LARP4B: variants seen among roughly 807,000 people sequenced by gnomAD.
LARP4B encodes La ribonucleoprotein 4B.
LARP4B carries 12 observed loss-of-function variants against 89.8 expected under a neutral mutation model. The observed-to-expected ratio is 0.13, with a 90% CI of 0.09 to 0.22. The LOEUF (loss-of-function observed/expected upper bound fraction) is 0.22. Ranked by LOEUF, LARP4B falls within the 10% of genes least tolerant of loss-of-function variation. The pLI, the probability that LARP4B is intolerant of heterozygous loss-of-function variation, is 1.00. For missense variants in LARP4B, 757 were observed against 947.7 expected (o/e 0.80, Z 2.64); for synonymous variants, 367 against 363.3 (o/e 1.01, Z -0.12).
intron 1 of LARP4B, among the ~76,000 whole-genome samples, chr10:895,055 G>T (rs529607071): frequency 6.6e-6 from 1 of 152,122 alleles, no homozygotes; most frequent in Non-Finnish European, 1.5e-5. Context: ...GCATGGCGGC[G>T]TGTGCCTGTA....
the LARP4B span, among the ~76,000 whole-genome samples, chr10:937,882 T>TTTTA: frequency 2.2e-3 from 329 of 152,118 alleles, no homozygotes; most frequent in African/African-American, 7.1e-3. Context: ...TTTTATTTAT[T>TTTTA]TTTATTTATT....
chr10:936,438 G>C (rs1273943295), upstream of LARP4B, among the ~76,000 whole-genome samples: 1 of 152,148 alleles, frequency 6.6e-6, no homozygotes, highest in Admixed American at 6.6e-5. Context: ...CTACGAGGCA[G>C]GCCAGACACA....
Position 836,420 on chromosome 10 carries a change from C to G in LARP4B, c.733G>C (p.Glu245Gln), listed in dbSNP as rs1214913721. The G allele has an allele frequency of 6.2e-7, 1 of 1,608,644 alleles. No individual in the cohort carries two copies. The highest frequency in any genetic ancestry group is 1.3e-5 in the African/African-American group (1 of 74,956). ...RCIVILREISESTPVEEVEAL... is the reference protein window; with the variant it reads ...RCIVILREISQSTPVEEVEAL... ...TTACTTACTTCCACGGGGGTAGATT[C>G]AGATATTTCACGCAATATTACTATG... Residue 245 changes from glutamate (E) to glutamine (Q), a missense_variant, in exon 8 of 18, where the codon GAA becomes CAA. By Grantham distance (29) the Glu-to-Gln change is conservative. This residue lies in a region of LARP4B where 137 missense variants were observed against 213.9 expected (regional missense o/e 0.64). Coordinates refer to ENST00000316157, the MANE Select transcript of LARP4B (RefSeq NM_015155.3).
In LARP4B at chr10:863,723, C is replaced by T. The variant is rs1222047651; in HGVS notation, c.430+20G>A. On this transcript the variant is annotated intron_variant, in intron 5 of 17. Coordinates refer to ENST00000316157, the MANE Select transcript of LARP4B (RefSeq NM_015155.3). ...GCAGCCCATATTCCCTGGGAAAATG[C>T]ACCCATAAGATATGTTTACCTGTCT... The T allele has an allele frequency of 1.3e-6, 2 of 1,567,348 alleles. No individual in the cohort carries two copies. Among genetic ancestry groups the T allele is most frequent in the Non-Finnish European group, 1.7e-6 (2 of 1,159,212 alleles).
the LARP4B span, among the ~76,000 whole-genome samples, chr10:976,706 G>C: frequency 4.1e-5 from 6 of 146,466 alleles, no homozygotes; most frequent in African/African-American, 1.7e-4. Context: ...GTAGAAGGTA[G>C]GCCTGTCATG....
Position 834,829 on chromosome 10 carries a change from A to G in LARP4B, c.750+1574T>C, listed in dbSNP as rs76452130. ...GTTTTAAATATTACTTTGAGTTAAT[A>G]CAGATGTCCAAATTAATCATAAGAA... On this transcript the variant is annotated intron_variant, in intron 8 of 17. Transcript: ENST00000316157. Among the ~76,000 whole-genome samples, 477 of 152,296 alleles carry G rather than the reference A, an allele frequency of 3.1e-3. 5 individuals carry two copies. The highest frequency in any genetic ancestry group is 0.011 in the African/African-American group (462 of 41,564).
At chr10:966,624 C>T in the LARP4B span, among the ~76,000 whole-genome samples, 2 of 152,246 alleles carry the variant, frequency 1.3e-5, no homozygotes, top group Non-Finnish European at 2.9e-5. Context: ...AGGCACAGAA[C>T]GGGAGTGTCA....
In LARP4B at chr10:888,429, A is replaced by G. The variant is rs2131944128; in HGVS notation, c.-39-2669T>C. ...CAGAAATAAAAACAGTTGTTGATGA[A>G]TGCTAAATTCAGATATATTTAAGTG... On this transcript the variant is annotated intron_variant, in intron 1 of 17. Transcript: ENST00000316157. Among the ~76,000 whole-genome samples, 2 of 152,282 alleles carry G rather than the reference A, an allele frequency of 1.3e-5. 1 individual carries two copies. The highest frequency in any genetic ancestry group is 1.3e-4 in the Admixed American group (2 of 15,296).
chr10:974,921 G>A, the LARP4B span, among the ~76,000 whole-genome samples: 14 of 152,246 alleles, frequency 9.2e-5, no homozygotes, highest in African/African-American at 2.7e-4. Flanking sequence ...TGAGATGATA[G>A]TGTGACTGGG....
chr10:915,937 T>C (rs1836808234), intron 1 of LARP4B, among the ~76,000 whole-genome samples: 1 of 152,174 alleles, frequency 6.6e-6, no homozygotes, highest in Admixed American at 6.5e-5. Context: ...AACAACATCC[T>C]TTTCAATATT....
At chr10:873,273 C>T (rs948078821) in intron 3 of LARP4B, 5 of 985,248 alleles carry the variant, frequency 5.1e-6, no homozygotes, top group African/African-American at 1.7e-5. Context: ...CCTTGCACAG[C>T]GGTCACATGT....
chr10:870,094 A>G (rs1835125423), intron 3 of LARP4B: 1 of 978,108 alleles, frequency 1.0e-6, no homozygotes, highest in Non-Finnish European at 1.2e-6. Flanking sequence ...CTGAAAACAA[A>G]GCAATTTCCA....
the LARP4B span, among the ~76,000 whole-genome samples, chr10:937,131 C>T: frequency 1.4e-4 from 22 of 152,294 alleles, no homozygotes; most frequent in Admixed American, 7.9e-4. Context: ...CAGTCTCGAC[C>T]TCCTGGGCTC....
chr10:874,197 G>A (rs1835361295), intron 3 of LARP4B, among the ~76,000 whole-genome samples: 1 of 152,146 alleles, frequency 6.6e-6, no homozygotes, highest in Non-Finnish European at 1.5e-5. Context: ...TTGCGCCACT[G>A]CACTCCAGCC....
intron 8 of LARP4B, among the ~76,000 whole-genome samples, chr10:835,408 G>C (rs1833156532): frequency 6.6e-6 from 1 of 152,176 alleles, no homozygotes; most frequent in Non-Finnish European, 1.5e-5. Context: ...TGAACGACGA[G>C]GCTGAAATCA....
intron 3 of LARP4B, among the ~76,000 whole-genome samples, chr10:866,427 C>T (rs540478658): frequency 2.0e-5 from 3 of 152,212 alleles, no homozygotes; most frequent in Non-Finnish European, 4.4e-5. Context: ...CCAGGCACGG[C>T]ACTGAGCTGG....
At chr10:931,248 C>T (rs1005400902) in intron 1 of LARP4B, among the ~76,000 whole-genome samples, 180 bp downstream of exon 1, 11 of 146,292 alleles carry the variant, frequency 7.5e-5, no homozygotes, top group African/African-American at 2.9e-4. Context: ...CGTGCCCTAG[C>T]CCCGGTCCTC....
rs1835840426 is a variant in LARP4B at position 885,744 on chromosome 10, A to G, written c.-23T>C. On this transcript the variant is annotated 5_prime_UTR_variant, in exon 2 of 18. Transcript: ENST00000316157. ...CATGGGCTCCACTGGGAGAAGTGTA[A>G]TGCTAACCTCAGGATGCTGTAAAAT... is the stretch of plus-strand genomic sequence containing the variant. 6.3e-7 allele frequency: 1 copy of G among 1,593,024 alleles called. No individual in the cohort carries two copies. Among genetic ancestry groups the G allele is most frequent in the Admixed American group, 1.7e-5 (1 of 59,642 alleles).
intron 1 of LARP4B, among the ~76,000 whole-genome samples, chr10:889,263 C>A (rs1238335441): frequency 6.6e-6 from 1 of 152,078 alleles, no homozygotes; most frequent in Non-Finnish European, 1.5e-5. Context: ...CATTTCTCAA[C>A]CTGCTTATTC....
Sources: allele counts gnomAD v4.1 joint callset (sites outside exome capture counted in the v4.1 genomes callset), GRCh38; gene constraint gnomAD v4.1.1; regional missense constraint gnomAD v4.1.1; transcripts MANE v1.5; gene names NCBI Gene and HGNC (gene_info 2026-07-23, HGNC 2026-07-21).